Variants in SVEP1 observed in about 807,000 individuals in gnomAD.
SVEP1 encodes the protein sushi, von Willebrand factor type A, EGF and pentraxin domain-containing protein 1.
Under a neutral mutation model 367.3 loss-of-function variants are expected in SVEP1, and 164 were observed. That is an observed-to-expected ratio of 0.45 (90% CI 0.39 to 0.51). SVEP1 has a LOEUF of 0.51. SVEP1 is among the 20% of genes least tolerant of loss of function. The pLI, the probability that SVEP1 is intolerant of heterozygous loss-of-function variation, is 0.00. For synonymous variants in SVEP1, 1,666 were observed against 1,611.6 expected, an observed-to-expected ratio of 1.03 and a Z score of -0.81; for missense variants, 4,117 against 4,425.3, an observed-to-expected ratio of 0.93 and a Z score of 1.98.
chr9:110,519,714 G>C (rs770621491), intron 3 of SVEP1, among the ~76,000 whole-genome samples: 1 of 152,180 alleles, frequency 6.6e-6, no homozygotes, highest in Admixed American at 6.5e-5. Context: ...CCCTGATGGA[G>C]AGTGGAGGGT....
intron 25 of SVEP1, among the ~76,000 whole-genome samples, chr9:110,446,599 A>G (rs1055915027): frequency 2.0e-4 from 30 of 152,240 alleles, no homozygotes; most frequent in African/African-American, 7.0e-4. Flanking sequence ...TCACCTCTGA[A>G]GTCAAGCGGC....
intron 3 of SVEP1, among the ~76,000 whole-genome samples, chr9:110,541,816 GATATCTATATATATCTATATACATA>G: frequency 7.6e-6 from 1 of 131,182 alleles, no homozygotes; most frequent in South Asian, 2.4e-4. Flanking sequence ...TATATACATA[GATATCTATATATATCTATATACATA>G]GATATCTATA....
chr9:110,524,199 G>A (rs980253677), intron 3 of SVEP1, among the ~76,000 whole-genome samples: 4 of 152,004 alleles, frequency 2.6e-5, no homozygotes, highest in Non-Finnish European at 4.4e-5. Flanking sequence ...GATTTCAGTG[G>A]AGAATTCTGC....
chr9:110,485,687 G>A (rs1221901833), intron 9 of SVEP1, among the ~76,000 whole-genome samples: 1 of 152,172 alleles, frequency 6.6e-6, no homozygotes, highest in East Asian at 1.9e-4. Flanking sequence ...TGAGGTTTGA[G>A]GGAGATAGCA....
chr9:110,551,901 G>A (rs1830291460), intron 1 of SVEP1, among the ~76,000 whole-genome samples: 1 of 151,990 alleles, frequency 6.6e-6, no homozygotes, highest in Admixed American at 6.6e-5. Flanking sequence ...TGATTGACAA[G>A]CCTCCCTTTA....
At chr9:110,435,165 T>C in intron 29 of SVEP1, 76 bp downstream of exon 29, 2 of 1,536,104 alleles carry the variant, frequency 1.3e-6, no homozygotes, top group Non-Finnish European at 1.8e-6. Context: ...TAGAGAATTC[T>C]GAACTGTCTT....
chr9:110,494,002 G>A (rs1588080045), intron 8 of SVEP1, among the ~76,000 whole-genome samples: 1 of 152,078 alleles, frequency 6.6e-6, no homozygotes, highest in South Asian at 2.1e-4. Context: ...AAATCCTTCT[G>A]TTATAGCATC....
At chr9:110,519,385 A>G (rs1829850090) in intron 3 of SVEP1, among the ~76,000 whole-genome samples, 1 of 151,812 alleles carries the variant, frequency 6.6e-6, no homozygotes, top group South Asian at 2.1e-4. Context: ...TCCCTTTCCT[A>G]TCTTCCACTT....
At chr9:110,496,550 C>T (rs1156611578) in intron 8 of SVEP1, among the ~76,000 whole-genome samples, 1 of 152,192 alleles carries the variant, frequency 6.6e-6, no homozygotes, top group African/African-American at 2.4e-5. Flanking sequence ...TCGGCTTCCC[C>T]ACTTCTGAGG....
intron 36 of SVEP1, among the ~76,000 whole-genome samples, chr9:110,417,258 C>G (rs1167284524): frequency 7.1e-6 from 1 of 141,522 alleles, no homozygotes; most frequent in African/African-American, 2.7e-5. Flanking sequence ...AGTGTGTGTG[C>G]GCACCGTGCG....
At position 110,407,618 on chromosome 9, in the gene SVEP1, C is replaced by T; in HGVS notation, c.7982G>A (p.Trp2661Ter). 1 of 1,613,930 alleles carries T rather than the reference C, an allele frequency of 6.2e-7. No homozygotes were observed. Among genetic ancestry groups the T allele is most frequent in the Non-Finnish European group, 8.5e-7 (1 of 1,179,842 alleles). The change falls in exon 38 of 48, where the codon TGG becomes TAG. Residue 2661 changes from tryptophan (W) to a stop codon, truncating the protein, a stop_gained. Transcript: ENST00000374469. LOFTEE classifies it high-confidence loss of function. ...AGCAGGAGACTCCTTTGTATTTTCCCAGGTTTTAGCCACTGCTCCCAAATG... is the reference window on the plus strand; with the variant it reads ...AGCAGGAGACTCCTTTGTATTTTCCTAGGTTTTAGCCACTGCTCCCAAATG... Reference protein sequence around the residue: ...PYHLGAVAKTWENTKESPATH... With the variant: ...PYHLGAVAKT
rs181540019 is a variant in SVEP1 at position 110,406,063 on chromosome 9, T to C, written c.9440+97A>G. On this transcript the variant is annotated intron_variant, in intron 38 of 47. Transcript: ENST00000374469. Reference sequence around the variant, plus strand: ...CAGTGTTTGGAGAGCAGTTCAGAGATGATGTTTTCTTCCCAATCAGCAAAA... The same window carrying C: ...CAGTGTTTGGAGAGCAGTTCAGAGACGATGTTTTCTTCCCAATCAGCAAAA... The C allele has an allele frequency of 2.1e-4, 309 of 1,461,658 alleles. No individual in the cohort carries two copies. In the African/African-American group the frequency reaches 3.8e-3, roughly 18 times the overall value. 90.5% of individuals were successfully genotyped at this position (1,461,658 alleles called of 1,614,324 possible).
intron 36 of SVEP1, among the ~76,000 whole-genome samples, chr9:110,416,724 AAAAC>A (rs1310911051): frequency 6.6e-6 from 1 of 152,084 alleles, no homozygotes; most frequent in Non-Finnish European, 1.5e-5. Context: ...GCAAAACACT[AAAAC>A]AACAAAGACA....
intron 3 of SVEP1, among the ~76,000 whole-genome samples, chr9:110,542,373 C>A (rs1199428619): frequency 6.6e-6 from 1 of 152,108 alleles, no homozygotes; most frequent in Non-Finnish European, 1.5e-5. Flanking sequence ...AGGGTTACTT[C>A]TGGATCTAAA....
intron 3 of SVEP1, among the ~76,000 whole-genome samples, chr9:110,521,592 AAT>A (rs1829876706): frequency 6.6e-6 from 1 of 152,328 alleles, no homozygotes; most frequent in Admixed American, 6.5e-5. Flanking sequence ...CACACTCAAA[AAT>A]ACACACATAT....
chr9:110,398,684 A>C (rs555703941), intron 40 of SVEP1, among the ~76,000 whole-genome samples: 1 of 152,368 alleles, frequency 6.6e-6, no homozygotes, highest in South Asian at 2.1e-4. Flanking sequence ...TGGGAGAAGG[A>C]TATGAACAGA....
chr9:110,546,258 A>G lies in SVEP1; in HGVS notation c.821T>C (p.Met274Thr), dbSNP rs776617141. The change falls in exon 3 of 48, where the codon ATG becomes ACG. Residue 274 changes from methionine (M) to threonine (T), a missense_variant. Physicochemically the swap from Met to Thr is moderately conservative, Grantham distance 81. Coordinates refer to ENST00000374469, the MANE Select transcript of SVEP1 (RefSeq NM_153366.4). ...ATCACAAAGATATGAGCAGTGGACC[A>G]TATCATCTTGAATAAAACTCCCAGA... ...LPSGSFIQDD[M>T]VHCSYLCDEG... 5.0e-6 allele frequency: 8 copies of G among 1,593,588 alleles called. No homozygotes were observed. Among genetic ancestry groups the G allele is most frequent in the Admixed American group, 3.5e-5 (2 of 57,250 alleles).
chr9:110,561,754 A>G (rs1830430370), intron 1 of SVEP1, among the ~76,000 whole-genome samples: 1 of 152,232 alleles, frequency 6.6e-6, no homozygotes, highest in Non-Finnish European at 1.5e-5. Context: ...TGACAAAAGC[A>G]TAAACTGGAA....
At chr9:110,496,055 G>A (rs781692523) in intron 8 of SVEP1, among the ~76,000 whole-genome samples, 1 of 152,144 alleles carries the variant, frequency 6.6e-6, no homozygotes, top group Non-Finnish European at 1.5e-5. Flanking sequence ...CAAATCCATA[G>A]AATGAAAAGT....
Sources: gnomAD v4.1 joint callset for allele counts (sites outside exome capture counted in the v4.1 genomes callset) on GRCh38, gnomAD v4.1.1 for gene constraint, MANE v1.5 for transcripts, NCBI Gene and HGNC (gene_info 2026-07-23, HGNC 2026-07-21) for gene names.